The following DPY19L2 variants were observed in gnomAD, a reference collection of about 807,000 sequenced individuals.
DPY19L2 encodes the protein dpy-19 like 2.
Under a neutral mutation model 97.9 loss-of-function variants are expected in DPY19L2, and 34 were observed. That is an observed-to-expected ratio of 0.35 (90% CI 0.26 to 0.46). DPY19L2 has a LOEUF of 0.46. Among genes scored for constraint, DPY19L2 ranks in the 20% least tolerant of loss-of-function variants. The pLI, the probability that DPY19L2 is intolerant of heterozygous loss-of-function variation, is 1.00. For synonymous variants in DPY19L2, 230 were observed against 307.9 expected, an observed-to-expected ratio of 0.75 and a Z score of 2.65; for missense variants, 623 against 911.4, an observed-to-expected ratio of 0.68 and a Z score of 4.07.
rs190076616 is a variant in DPY19L2 at position 63,577,231 on chromosome 12, T to C, written c.1900+3431A>G. On this transcript the variant is annotated intron_variant, in intron 19 of 21. Transcript: ENST00000324472. ...TGGTGTTGGGAAAACTGAATATCCATATGCAGAAGAATGAATCTACACCCC... is the reference window on the plus strand; with the variant it reads ...TGGTGTTGGGAAAACTGAATATCCACATGCAGAAGAATGAATCTACACCCC... Among the ~76,000 whole-genome samples, 69 of 151,818 alleles carry C rather than the reference T, an allele frequency of 4.5e-4. 1 individual carries two copies. Among genetic ancestry groups the C allele is most frequent in the Admixed American group, 3.9e-3 (59 of 15,262 alleles).
chr12:63,628,532 A>G (rs1889992669), intron 6 of DPY19L2, among the ~76,000 whole-genome samples: 1 of 152,146 alleles, frequency 6.6e-6, no homozygotes, highest in African/African-American at 2.4e-5. Context: ...GGCACCCACC[A>G]TGGCCAAGGC....
intron 21 of DPY19L2, among the ~76,000 whole-genome samples, chr12:63,564,712 G>A (rs1389557171): frequency 6.6e-6 from 1 of 151,998 alleles, no homozygotes; most frequent in Non-Finnish European, 1.5e-5. Flanking sequence ...TTCTAGGGTG[G>A]TATGTACTAT....
intron 17 of DPY19L2, 76 bp from the exon 18 acceptor site, chr12:63,582,601 A>G (rs1881128902): frequency 7.1e-7 from 1 of 1,413,250 alleles, no homozygotes; most frequent in Middle Eastern, 2.1e-4. Context: ...TTAAAACTAT[A>G]TTATTCATTA....
At chr12:63,655,775 G>A (rs1894891877) in intron 4 of DPY19L2, among the ~76,000 whole-genome samples, 1 of 152,058 alleles carries the variant, frequency 6.6e-6, no homozygotes, top group African/African-American at 2.4e-5. Flanking sequence ...TTCTCTAAGT[G>A]GCTCCTGTTC....
chr12:63,601,458 A>G (rs1251869503), intron 12 of DPY19L2, among the ~76,000 whole-genome samples: 1 of 152,168 alleles, frequency 6.6e-6, no homozygotes, highest in African/African-American at 2.4e-5. Context: ...TCAACCAACA[A>G]GTAGAGCAAT....
At chr12:63,583,957 C>A (rs147433797) in intron 16 of DPY19L2, 121 bp from the exon 17 acceptor site, 8,284 of 671,270 alleles carry the variant, frequency 0.012, 129 homozygotes, top group African/African-American at 0.056. Flanking sequence ...AAACTACTTA[C>A]GAAAATACAT....
intron 5 of DPY19L2, among the ~76,000 whole-genome samples, chr12:63,645,364 A>G (rs1301469621): frequency 3.9e-5 from 6 of 152,116 alleles, no homozygotes; most frequent in Non-Finnish European, 7.4e-5. Context: ...GGACCACCTT[A>G]GGCTCTGTCA....
chr12:63,647,075 C>T (rs147147222), intron 5 of DPY19L2, among the ~76,000 whole-genome samples, 170 bp downstream of exon 5: 2,620 of 152,198 alleles, frequency 0.017, 80 homozygotes, highest in African/African-American at 0.06. Context: ...TTTAAGTACA[C>T]AGCCTTCTCA....
At chr12:63,564,106 C>A (rs1877173765) in intron 21 of DPY19L2, among the ~76,000 whole-genome samples, 1 of 151,998 alleles carries the variant, frequency 6.6e-6, no homozygotes, top group African/African-American at 2.4e-5. Context: ...CTTTCTTATT[C>A]CTGATACTAG....
intron 4 of DPY19L2, among the ~76,000 whole-genome samples, chr12:63,658,860 A>C (rs1481360609): frequency 2.0e-5 from 3 of 152,174 alleles, no homozygotes; most frequent in East Asian, 3.8e-4. Flanking sequence ...CCATAATGAC[A>C]AAAAGAATAT....
At chr12:63,655,400 G>A (rs1894834083) in intron 4 of DPY19L2, among the ~76,000 whole-genome samples, 1 of 152,176 alleles carries the variant, frequency 6.6e-6, no homozygotes, top group Non-Finnish European at 1.5e-5. Context: ...GTAGCACAAG[G>A]AAATTTGCAT....
In DPY19L2 at chr12:63,646,589, T is replaced by C. The variant is rs142519538; in HGVS notation, c.709+656A>G. Among the ~76,000 whole-genome samples the C allele has an allele frequency of 6.0e-3, 921 of 152,266 alleles. 2 individuals carry two copies. The highest frequency in any genetic ancestry group is 0.021 in the African/African-American group (884 of 41,546). On this transcript the variant is annotated intron_variant, in intron 5 of 21. Coordinates refer to ENST00000324472, the MANE Select transcript of DPY19L2 (RefSeq NM_173812.5). The stretch of plus-strand genomic sequence containing the variant: ...AGAAAAAACTACAGTGTTAGTGTTA[T>C]GAAAACAGATACAAGTGGCTCTGAA...
chr12:63,629,087 A>G (rs1435708037), intron 6 of DPY19L2, among the ~76,000 whole-genome samples: 1 of 152,140 alleles, frequency 6.6e-6, no homozygotes, highest in East Asian at 1.9e-4. Flanking sequence ...ATCAAAGACC[A>G]AAGGTAGATA....
At chr12:63,615,271 A>G (rs1201180885) in intron 11 of DPY19L2, among the ~76,000 whole-genome samples, 2 of 152,216 alleles carry the variant, frequency 1.3e-5, no homozygotes, top group African/African-American at 4.8e-5. Flanking sequence ...ACTTGCAAAT[A>G]AAGAGGTAAA....
At chr12:63,608,553 G>A in intron 12 of DPY19L2, 63 bp downstream of exon 12, 1 of 1,401,894 alleles carries the variant, frequency 7.1e-7, no homozygotes, top group Non-Finnish European at 9.9e-7. Context: ...TATTAACTGT[G>A]TTCAGTTTAT....
chr12:63,600,792 T>C (rs540411932), intron 12 of DPY19L2, among the ~76,000 whole-genome samples: 6 of 124,154 alleles, frequency 4.8e-5, no homozygotes, highest in African/African-American at 6.8e-5. Context: ...AGGAAGTTTT[T>C]TTTTTTTTTT....
intron 6 of DPY19L2, 104 bp downstream of exon 6, chr12:63,644,299 G>T: frequency 7.0e-7 from 1 of 1,421,864 alleles, no homozygotes; most frequent in Non-Finnish European, 9.3e-7. Flanking sequence ...AAACTTTCCT[G>T]ATATGAATCT....
chr12:63,603,720 C>T (rs1885570690), intron 12 of DPY19L2, among the ~76,000 whole-genome samples: 1 of 152,128 alleles, frequency 6.6e-6, no homozygotes. Flanking sequence ...TTTATGACTG[C>T]ATAATATTCC....
At chr12:63,578,163 A>T (rs1157252170) in intron 19 of DPY19L2, among the ~76,000 whole-genome samples, 1 of 152,142 alleles carries the variant, frequency 6.6e-6, no homozygotes, top group East Asian at 1.9e-4. Context: ...CCTATCCATA[A>T]CATGGATGGA....
Sources: allele counts gnomAD v4.1 joint callset (sites outside exome capture counted in the v4.1 genomes callset), GRCh38; gene constraint gnomAD v4.1.1; transcripts MANE v1.5; gene names NCBI Gene and HGNC (gene_info 2026-07-23, HGNC 2026-07-21).